Variants in STIM2 observed in about 807,000 individuals in gnomAD.
STIM2 encodes stromal interaction molecule 2.
In STIM2, 31 loss-of-function variants were observed where a neutral mutation model predicts 85.8. That is an observed-to-expected ratio of 0.36 (90% CI 0.27 to 0.49). The LOEUF (loss-of-function observed/expected upper bound fraction) is 0.49, where lower values mean the gene tolerates loss of function less well. Ranked by LOEUF, STIM2 falls within the 20% of genes least tolerant of loss-of-function variation. The pLI is 0.98. For missense variants in STIM2, 841 were observed against 927.6 expected (o/e 0.91, Z 1.21); for synonymous variants, 356 against 331.1 (o/e 1.08, Z -0.82).
At chr4:26,885,859 A>ATATGTATGTGTATATATATATATATATG (rs1553845027) in intron 1 of STIM2, among the ~76,000 whole-genome samples, 1 of 89,440 alleles carries the variant, frequency 1.1e-5, no homozygotes, top group Non-Finnish European at 2.3e-5. Flanking sequence ...ATATATATAT[A>ATATGTATGTGTATATATATATATATATG]TATATATATA....
chr4:26,878,788 C>T (rs1407841657), intron 1 of STIM2, among the ~76,000 whole-genome samples: 1 of 152,012 alleles, frequency 6.6e-6, no homozygotes. Flanking sequence ...TGGCAGAAGG[C>T]GAAGGGGAAG....
chr4:26,870,033 A>T (rs1262416946), intron 1 of STIM2, among the ~76,000 whole-genome samples: 5 of 152,178 alleles, frequency 3.3e-5, no homozygotes, highest in Admixed American at 6.5e-5. Flanking sequence ...GGAGGACATT[A>T]TGCTAAGTGA....
At chr4:27,021,017 G>A (rs750475852) in intron 11 of STIM2, 16 of 1,535,800 alleles carry the variant, frequency 1.0e-5, no homozygotes, top group Admixed American at 2.0e-5. Flanking sequence ...CCTTGGGCTC[G>A]GTGCGTGCAA....
chr4:26,974,731 C>G (rs1440629507), intron 3 of STIM2, among the ~76,000 whole-genome samples: 1 of 152,082 alleles, frequency 6.6e-6, no homozygotes, highest in African/African-American at 2.4e-5. Context: ...TTGCTCTTCT[C>G]AAGGAGTATC....
rs1161381482 is a variant in STIM2 at position 26,880,646 on chromosome 4, AAT to A, written c.151+19287_151+19288del. The stretch of plus-strand genomic sequence containing the variant: ...AAATATATATATAAATATATATGTA[AAT>A]ATATATATAAATATATATGTAAATA... On this transcript the variant is annotated intron_variant, in intron 1 of 11. Transcript: ENST00000467087. Among the ~76,000 whole-genome samples the A allele has an allele frequency of 2.9e-3, 420 of 145,706 alleles. 1 individual carries two copies. Among genetic ancestry groups the A allele is most frequent in the African/African-American group, 9.4e-3 (377 of 40,188 alleles).
chr4:26,960,293 T>C (rs1726397653), intron 3 of STIM2, among the ~76,000 whole-genome samples: 1 of 152,232 alleles, frequency 6.6e-6, no homozygotes. Context: ...TTCAAGGTTG[T>C]TTACTTGAAT....
At chr4:26,907,103 A>G (rs995008031) in intron 1 of STIM2, among the ~76,000 whole-genome samples, 3 of 152,132 alleles carry the variant, frequency 2.0e-5, no homozygotes, top group South Asian at 2.1e-4. Flanking sequence ...CCTAAGGAGA[A>G]TTTTTTGAAT....
chr4:26,993,917 A>G (rs964933932), intron 3 of STIM2, among the ~76,000 whole-genome samples: 2 of 152,158 alleles, frequency 1.3e-5, no homozygotes, highest in Admixed American at 6.6e-5. Context: ...TAACTTCCAA[A>G]ATAAAGATAA....
chr4:26,865,003 T>G (rs150169034), intron 1 of STIM2, among the ~76,000 whole-genome samples: 334 of 152,326 alleles, frequency 2.2e-3, no homozygotes, highest in African/African-American at 7.4e-3. Context: ...TACAAATAAC[T>G]TACACATGTT....
chr4:26,938,526 C>T (rs1467485099), intron 2 of STIM2, among the ~76,000 whole-genome samples: 1 of 152,048 alleles, frequency 6.6e-6, no homozygotes, highest in African/African-American at 2.4e-5. Context: ...TTAAGTTTTC[C>T]TATGAACCTA....
chr4:26,970,398 C>T (rs1726902538), intron 3 of STIM2, among the ~76,000 whole-genome samples: 1 of 151,914 alleles, frequency 6.6e-6, no homozygotes, highest in African/African-American at 2.4e-5. Flanking sequence ...TCCCCTAGCC[C>T]CCTACCCCCT....
intron 1 of STIM2, among the ~76,000 whole-genome samples, chr4:26,894,152 G>C (rs552396845): frequency 2.0e-5 from 3 of 152,290 alleles, no homozygotes; most frequent in Admixed American, 1.3e-4. Flanking sequence ...CTCCCAAAGT[G>C]CTGGGATTAC....
intron 2 of STIM2, among the ~76,000 whole-genome samples, chr4:26,949,431 C>G (rs1395779233): frequency 6.6e-6 from 1 of 152,078 alleles, no homozygotes; most frequent in African/African-American, 2.4e-5. Flanking sequence ...ACTAGATGAA[C>G]TATATAACTC....
intron 3 of STIM2, among the ~76,000 whole-genome samples, chr4:26,995,157 G>T (rs571108067): frequency 2.0e-5 from 3 of 152,096 alleles, no homozygotes; most frequent in Admixed American, 1.3e-4. Flanking sequence ...GTTTATTTTC[G>T]AATTAATCAT....
At chr4:26,980,677 G>A (rs1332170056) in intron 3 of STIM2, among the ~76,000 whole-genome samples, 1 of 152,106 alleles carries the variant, frequency 6.6e-6, no homozygotes, top group Admixed American at 6.6e-5. Flanking sequence ...AAGTGTTTTA[G>A]GAATTTAAAC....
chr4:26,998,516 G>T (rs560197765), intron 4 of STIM2, among the ~76,000 whole-genome samples: 1 of 152,116 alleles, frequency 6.6e-6, no homozygotes, highest in South Asian at 2.1e-4. Context: ...AAACTTAATT[G>T]TTTTTTAAAG....
At chr4:26,960,023 C>G (rs1726388502) in intron 3 of STIM2, among the ~76,000 whole-genome samples, 1 of 152,080 alleles carries the variant, frequency 6.6e-6, no homozygotes, top group Non-Finnish European at 1.5e-5. Flanking sequence ...ATTGATTTTT[C>G]TCAACCCATG....
chr4:26,995,354 T>A, intron 3 of STIM2, 25 bp from the exon 4 acceptor site: 2 of 1,304,292 alleles, frequency 1.5e-6, no homozygotes, highest in Non-Finnish European at 2.1e-6. Flanking sequence ...GTTTAAAATA[T>A]GCATTCCCCT....
intron 1 of STIM2, among the ~76,000 whole-genome samples, chr4:26,895,334 C>T (rs1483644096): frequency 1.3e-5 from 2 of 151,866 alleles, no homozygotes; most frequent in Non-Finnish European, 2.9e-5. Context: ...GTATTTATTC[C>T]TAGGTACTGT....
Sources: allele counts gnomAD v4.1 joint callset (sites outside exome capture counted in the v4.1 genomes callset), GRCh38; gene constraint gnomAD v4.1.1; transcripts MANE v1.5; gene names NCBI Gene and HGNC (gene_info 2026-07-23, HGNC 2026-07-21).